The following ANTXR2 variants were observed in gnomAD, a reference collection of about 807,000 sequenced individuals.
The protein encoded by ANTXR2 is ANTXR cell adhesion molecule 2, also known as anthrax toxin receptor 2.
In ANTXR2, 44 loss-of-function variants were observed where a neutral mutation model predicts 73.7. That is an observed-to-expected ratio of 0.60 (90% CI 0.47 to 0.77). The LOEUF (loss-of-function observed/expected upper bound fraction) is 0.77. ANTXR2 is among the 30% of genes least tolerant of loss of function. The pLI is 0.00. For missense variants in ANTXR2, 604 were observed against 592.5 expected (o/e 1.02, Z -0.20); for synonymous variants, 217 against 205.9 (o/e 1.05, Z -0.46).
intron 16 of ANTXR2, among the ~76,000 whole-genome samples, chr4:79,973,587 C>T (rs67929920): frequency 0.07 from 10,576 of 152,118 alleles, 448 homozygotes; most frequent in Middle Eastern, 0.11. Context: ...CCCACCACGC[C>T]TGGCTAATTT....
intron 7 of ANTXR2, among the ~76,000 whole-genome samples, chr4:80,037,201 T>G (rs150389027): frequency 3.3e-5 from 5 of 152,342 alleles, no homozygotes; most frequent in Non-Finnish European, 5.9e-5. Flanking sequence ...ATTCCTTTCT[T>G]GGCAGAAGTT....
chr4:79,905,398 C>T lies in ANTXR2; in HGVS notation c.*2031G>A, dbSNP rs1208482639. 5.3e-5 allele frequency: 8 copies of T among 152,170 alleles called. No individual in the cohort carries two copies. The highest frequency in any genetic ancestry group is 1.2e-4 in the Non-Finnish European group (8 of 68,034). 9.4% of individuals were successfully genotyped at this position (152,170 alleles called of 1,614,324 possible). ...GCAGAAAGGGTTGGGTATACTATAT[C>T]AGGCTTCCAAGTTACACTTGCATAT... On this transcript the variant is annotated 3_prime_UTR_variant, in exon 17 of 17. Transcript: ENST00000403729.
chr4:80,063,023 A>G (rs1734334744), intron 3 of ANTXR2, among the ~76,000 whole-genome samples: 1 of 152,192 alleles, frequency 6.6e-6, no homozygotes, highest in Non-Finnish European at 1.5e-5. Flanking sequence ...AAAACTATAA[A>G]TGAGAAAAAA....
intron 16 of ANTXR2, among the ~76,000 whole-genome samples, chr4:79,925,287 C>CTTTTT (rs34138950): frequency 6.9e-6 from 1 of 143,962 alleles, no homozygotes; most frequent in Non-Finnish European, 1.5e-5. Flanking sequence ...TCACTCTTTC[C>CTTTTT]TTTTTTTTTT....
intron 11 of ANTXR2, among the ~76,000 whole-genome samples, chr4:80,013,832 T>C (rs1731711288): frequency 6.6e-6 from 1 of 152,208 alleles, no homozygotes; most frequent in South Asian, 2.1e-4. Flanking sequence ...TACAAGGCAA[T>C]GGTTAAATTT....
At chr4:80,057,179 A>G (rs923609435) in intron 3 of ANTXR2, among the ~76,000 whole-genome samples, 1 of 151,920 alleles carries the variant, frequency 6.6e-6, no homozygotes, top group Non-Finnish European at 1.5e-5. Context: ...ACACATGAAG[A>G]GTACTCACTC....
chr4:79,957,125 G>A (rs1031166578), intron 16 of ANTXR2, among the ~76,000 whole-genome samples: 3 of 152,052 alleles, frequency 2.0e-5, no homozygotes, highest in African/African-American at 7.2e-5. Context: ...GAAACATTGA[G>A]ATAGGGCTAA....
Position 79,924,216 on chromosome 4 carries a change from T to TTTA in ANTXR2, c.1429-16750_1429-16749insTAA, listed in dbSNP as rs564732396. ...ATGTCCATGCCCAAATACATATTTT[T>TTTA]AAAATGCTCTCAAAATTGATAGCAT... On this transcript the variant is annotated intron_variant, in intron 16 of 16. Transcript: ENST00000403729. 2.7e-3 allele frequency among the ~76,000 whole-genome samples: 407 copies of TTTA among 152,306 alleles called. 1 individual carries two copies. The highest frequency in any genetic ancestry group is 9.1e-3 in the African/African-American group (379 of 41,574).
At chr4:79,947,563 A>G (rs1168286893) in intron 16 of ANTXR2, among the ~76,000 whole-genome samples, 1 of 152,170 alleles carries the variant, frequency 6.6e-6, no homozygotes, top group Non-Finnish European at 1.5e-5. Flanking sequence ...ACAAGCAGAG[A>G]CCTGTGTTTC....
intron 16 of ANTXR2, among the ~76,000 whole-genome samples, chr4:79,955,603 T>G (rs552982269): frequency 6.6e-6 from 1 of 152,168 alleles, no homozygotes; most frequent in African/African-American, 2.4e-5. Flanking sequence ...CTTATGAGCA[T>G]AGGAAAAATA....
Position 80,046,001 on chromosome 4 carries a change from G to A in ANTXR2, c.636+8271C>T, listed in dbSNP as rs537438478. Among the ~76,000 whole-genome samples, 32 of 151,784 alleles carry A rather than the reference G, an allele frequency of 2.1e-4. No homozygotes were observed. The South Asian group carries it at 6.6e-3, about 31-fold the overall frequency. On this transcript the variant is annotated intron_variant, in intron 7 of 16. Coordinates refer to ENST00000403729, the MANE Select transcript of ANTXR2 (RefSeq NM_058172.6). ...TGCTCAATACAGCACACACCACTCT[G>A]ACTAGTTTCTAAATATGGATTCTCT...
chr4:79,995,013 G>T (rs546285743), intron 12 of ANTXR2, among the ~76,000 whole-genome samples: 41 of 151,976 alleles, frequency 2.7e-4, no homozygotes, highest in African/African-American at 8.7e-4. Context: ...CAAATACAAT[G>T]ATCATTTTCC....
chr4:80,013,264 CT>C (rs1454242866), intron 11 of ANTXR2, among the ~76,000 whole-genome samples: 1 of 152,206 alleles, frequency 6.6e-6, no homozygotes, highest in African/African-American at 2.4e-5. Context: ...TATATGGTTA[CT>C]TTCAATCATT....
At position 80,031,604 on chromosome 4, in the gene ANTXR2, T is replaced by C; in HGVS notation, c.866+19A>G. ...TTTTACTAAAAATGTTATAAAATTG[T>C]TTTAAATTAAGTACTTACTCTCCAG... On this transcript the variant is annotated intron_variant, in intron 10 of 16. Coordinates refer to ENST00000403729, the MANE Select transcript of ANTXR2 (RefSeq NM_058172.6). 2 of 1,449,490 alleles carry C rather than the reference T, an allele frequency of 1.4e-6. No homozygotes were observed. Among genetic ancestry groups the C allele is most frequent in the South Asian group, 1.5e-5 (1 of 67,862 alleles). 89.8% of individuals were successfully genotyped at this position (1,449,490 alleles called of 1,614,324 possible).
intron 16 of ANTXR2, among the ~76,000 whole-genome samples, chr4:79,921,546 C>G (rs56814547): frequency 0.57 from 87,190 of 151,832 alleles, 25,351 homozygotes; most frequent in Non-Finnish European, 0.6. Context: ...TGATTTAGCA[C>G]AAATATTATA....
chr4:80,033,991 GTTT>G (rs367583091), intron 8 of ANTXR2, among the ~76,000 whole-genome samples: 4 of 152,104 alleles, frequency 2.6e-5, no homozygotes, highest in African/African-American at 9.6e-5. Flanking sequence ...AATTATGTAC[GTTT>G]TTTAGTTCTT....
chr4:79,995,601 T>C (rs1730686459), intron 12 of ANTXR2, among the ~76,000 whole-genome samples: 1 of 151,986 alleles, frequency 6.6e-6, no homozygotes, highest in Non-Finnish European at 1.5e-5. Flanking sequence ...AAAAAATACA[T>C]ATTACAATGT....
chr4:80,036,233 G>A (rs901189177), intron 7 of ANTXR2, among the ~76,000 whole-genome samples: 1 of 152,094 alleles, frequency 6.6e-6, no homozygotes, highest in East Asian at 1.9e-4. Context: ...TTAAGATTAT[G>A]TACTGTAGGA....
At chr4:80,071,771 G>T in intron 1 of ANTXR2, 117 bp from the exon 2 acceptor site, 1 of 784,418 alleles carries the variant, frequency 1.3e-6, no homozygotes. Flanking sequence ...TCTTTTTCAA[G>T]CTAAGTAAGG....
Sources: allele counts gnomAD v4.1 joint callset (sites outside exome capture counted in the v4.1 genomes callset), GRCh38; gene constraint gnomAD v4.1.1; transcripts MANE v1.5; gene names NCBI Gene and HGNC (gene_info 2026-07-23, HGNC 2026-07-21).